The following E2F6 variants were observed in gnomAD, a reference collection of about 807,000 sequenced individuals.
E2F6 encodes the protein E2F transcription factor 6.
Under a neutral mutation model 31.5 loss-of-function variants are expected in E2F6, and 19 were observed. The ratio of observed to expected loss-of-function variants is 0.60; its 90% CI spans 0.42 to 0.89. The LOEUF (loss-of-function observed/expected upper bound fraction) is 0.89, where lower values mean the gene tolerates loss of function less well. E2F6 is among the 40% of genes least tolerant of loss of function. The probability of loss-of-function intolerance (pLI) is 0.00; values close to 1 mark genes in which losing one functional copy is unlikely to be tolerated. For missense variants in E2F6, 269 were observed against 341.6 expected (o/e 0.79, Z 1.67); for synonymous variants, 121 against 127.7 (o/e 0.95, Z 0.36).
chr2:11,452,116 G>C (rs1671108464), intron 3 of E2F6, among the ~76,000 whole-genome samples: 1 of 152,114 alleles, frequency 6.6e-6, no homozygotes, highest in African/African-American at 2.4e-5. Context: ...ATAACACCCA[G>C]CTTCAGCCTC....
chr2:11,465,183 A>AAG (rs1441998044), intron 1 of E2F6, among the ~76,000 whole-genome samples: 1 of 147,502 alleles, frequency 6.8e-6, no homozygotes, highest in African/African-American at 2.5e-5. Flanking sequence ...AATCTCAAAA[A>AAG]AAAAAAAAAA....
At position 11,458,489 on chromosome 2, in the gene E2F6, G is replaced by A; in HGVS notation, c.109-1256C>T. On this transcript the variant is annotated intron_variant, in intron 1 of 6. Coordinates refer to ENST00000381525, the MANE Select transcript of E2F6 (RefSeq NM_198256.4). Reference sequence around the variant, plus strand: ...AGTGACTTGACTTTGAAGCTGGGAGGGCATGCTGGCACCACATAAAACTAA... The same window carrying A: ...AGTGACTTGACTTTGAAGCTGGGAGAGCATGCTGGCACCACATAAAACTAA... 12 of 791,960 alleles carry A rather than the reference G, an allele frequency of 1.5e-5. 1 individual carries two copies. In the South Asian group the frequency reaches 1.9e-4, roughly 13 times the overall value. The allele number at this position is 791,960 out of a possible 1,614,324, so 49.1% of individuals were successfully genotyped here.
At chr2:11,450,222 GT>G in intron 4 of E2F6, 96 bp from the exon 5 acceptor site, 2 of 653,422 alleles carry the variant, frequency 3.1e-6, no homozygotes, top group Non-Finnish European at 4.9e-6. Flanking sequence ...ATGTTAGAAT[GT>G]TTTTAGTTTT....
chr2:11,453,549 CA>C (rs1442729117), intron 3 of E2F6, 32 bp downstream of exon 3: 5 of 1,603,696 alleles, frequency 3.1e-6, no homozygotes, highest in Non-Finnish European at 4.3e-6. Context: ...TGAGAAGGAA[CA>C]AAAGCCACGA....
intron 1 of E2F6, 51 bp from the exon 2 acceptor site, chr2:11,457,284 A>C (rs770973665): frequency 7.2e-6 from 8 of 1,114,242 alleles, no homozygotes; most frequent in Non-Finnish European, 9.5e-6. Flanking sequence ...ACAACAATGC[A>C]AACAAATAGC....
intron 1 of E2F6, among the ~76,000 whole-genome samples, chr2:11,463,326 T>C (rs183342021): frequency 3.9e-5 from 6 of 152,310 alleles, no homozygotes; most frequent in African/African-American, 1.2e-4. Flanking sequence ...GATGACCTAA[T>C]TCCCCCGAAG....
chr2:11,451,890 A>T, intron 3 of E2F6, 84 bp from the exon 4 acceptor site: 1 of 1,328,564 alleles, frequency 7.5e-7, no homozygotes. Flanking sequence ...AACTTCTCCA[A>T]ATGTTTGCCA....
chr2:11,460,287 A>T (rs1671695023), intron 1 of E2F6, among the ~76,000 whole-genome samples: 1 of 147,884 alleles, frequency 6.8e-6, no homozygotes, highest in Non-Finnish European at 1.5e-5. Context: ...TGGAAAGGTT[A>T]TTGCATTCTC....
chr2:11,451,103 C>A (rs936865805), intron 4 of E2F6: 2 of 152,236 alleles, frequency 1.3e-5, no homozygotes, highest in African/African-American at 4.8e-5. Context: ...CAGAAATCAA[C>A]TTCCATTCAC....
At chr2:11,459,009 T>G (rs560511980) in intron 1 of E2F6, among the ~76,000 whole-genome samples, 1 of 152,068 alleles carries the variant, frequency 6.6e-6, no homozygotes, top group African/African-American at 2.4e-5. Context: ...ATTAGACAAG[T>G]GTGACCAACT....
intron 1 of E2F6, among the ~76,000 whole-genome samples, chr2:11,458,526 T>C (rs61091666): frequency 0.011 from 1,724 of 152,328 alleles, 47 homozygotes; most frequent in African/African-American, 0.039. Flanking sequence ...GCTAAAGAGT[T>C]TGGACTTTAT....
Position 11,450,103 on chromosome 2 carries a change from T to C in E2F6, c.560A>G (p.Asp187Gly), listed in dbSNP as rs189986757. 1 of 1,612,688 alleles carries C rather than the reference T, an allele frequency of 6.2e-7. No homozygotes were observed. The highest frequency in any genetic ancestry group is 8.5e-7 in the Non-Finnish European group (1 of 1,178,858). Residue 187 changes from aspartate (D) to glycine (G), a missense_variant, in exon 5 of 7, where the codon GAC (aspartate) becomes GGC (glycine). Transcript: ENST00000381525. ...NERLAYVTYQ[D>G]IHSIQAFHEQ... The stretch of plus-strand genomic sequence containing the variant: ...ATGGAAGGCCTGAATGCTATGAATG[T>C]CTTGATAGGTCACATATGCTAGTGT...
intron 4 of E2F6, chr2:11,451,346 AACT>A (rs1558453373): frequency 2.7e-4 from 30 of 112,482 alleles, no homozygotes; most frequent in Non-Finnish European, 5.1e-4. Context: ...ACTTTTACCT[AACT>A]TTTTTTTTTT....
At chr2:11,451,465 C>T (rs773662253) in intron 4 of E2F6, 186 bp downstream of exon 4, 19 of 475,886 alleles carry the variant, frequency 4.0e-5, no homozygotes, top group Non-Finnish European at 6.3e-5. Flanking sequence ...ATTCTCCTGC[C>T]TCAGCCTCCC....
intron 2 of E2F6, among the ~76,000 whole-genome samples, chr2:11,455,935 T>C (rs190756293): frequency 2.3e-4 from 35 of 152,286 alleles, no homozygotes; most frequent in Middle Eastern, 3.4e-3. Flanking sequence ...GTTTGCCCAC[T>C]GTGACAGAGG....
chr2:11,458,495 C>G, intron 1 of E2F6: 1 of 764,108 alleles, frequency 1.3e-6, no homozygotes, highest in Non-Finnish European at 2.3e-6. Context: ...GGAGGGCATG[C>G]TGGCACCACA....
At chr2:11,456,980 G>A (rs928012759) in intron 2 of E2F6, 199 bp downstream of exon 2, 24 of 552,458 alleles carry the variant, frequency 4.3e-5, no homozygotes, top group Non-Finnish European at 6.9e-5. Flanking sequence ...ACTGTTCTAT[G>A]GAGAATAAAC....
In E2F6 at chr2:11,447,733, G is replaced by A. The variant is rs767057682; in HGVS notation, c.693C>T (p.Ile231=). 7 of 1,612,212 alleles carry A rather than the reference G, an allele frequency of 4.3e-6. No individual in the cohort carries two copies. The highest frequency in any genetic ancestry group is 2.2e-5 in the East Asian group (1 of 44,884). Residue 231 remains isoleucine, a synonymous_variant, in exon 6 of 7, where the codon ATC becomes ATT. Transcript: ENST00000381525. ...GCTCCACTTCACACAAATAGACATCGATAGGTCCGTTGGTGCTCCTTATGT... is the reference window on the plus strand; with the variant it reads ...GCTCCACTTCACACAAATAGACATCAATAGGTCCGTTGGTGCTCCTTATGT... ...TVHIRSTNGP[I]DVYLCEVEQG...
At chr2:11,454,684 C>T (rs1671292862) in intron 2 of E2F6, among the ~76,000 whole-genome samples, 2 of 151,934 alleles carry the variant, frequency 1.3e-5, no homozygotes, top group Admixed American at 6.6e-5. Flanking sequence ...ATTCACTACC[C>T]TATATTAATT....
Sources: gnomAD v4.1 joint callset for allele counts (sites outside exome capture counted in the v4.1 genomes callset) on GRCh38, gnomAD v4.1.1 for gene constraint, MANE v1.5 for transcripts, NCBI Gene and HGNC (gene_info 2026-07-23, HGNC 2026-07-21) for gene names.